VRK2: variants seen among roughly 807,000 people sequenced by gnomAD.
VRK2 encodes the protein serine/threonine-protein kinase VRK2.
VRK2 carries 60 observed loss-of-function variants against 57.6 expected under a neutral mutation model. That is an observed-to-expected ratio of 1.04 (90% CI 0.85 to 1.29). The LOEUF is 1.29. VRK2 is among the 50% of genes most tolerant of loss of function. The pLI is 0.00. For synonymous variants in VRK2, 231 were observed against 199.2 expected (o/e 1.16, Z -1.35); for missense variants, 705 against 588.1 (o/e 1.20, Z -2.06).
At chr2:58,036,831 A>C (rs1374578397) in intron 3 of VRK2, among the ~76,000 whole-genome samples, 1 of 152,066 alleles carries the variant, frequency 6.6e-6, no homozygotes, top group Non-Finnish European at 1.5e-5. Context: ...AATATTTTAT[A>C]ATCTATACTG....
intron 2 of VRK2, among the ~76,000 whole-genome samples, chr2:58,065,355 A>G (rs1051674422): frequency 1.3e-5 from 2 of 152,056 alleles, no homozygotes; most frequent in Non-Finnish European, 2.9e-5. Context: ...TGGGGAATGT[A>G]TGGGATTACT....
chr2:57,972,441 C>G (rs1672124702), intron 1 of VRK2, among the ~76,000 whole-genome samples: 1 of 151,636 alleles, frequency 6.6e-6, no homozygotes, highest in Admixed American at 6.6e-5. Flanking sequence ...ACGATAATAC[C>G]ACTAACAGTA....
chr2:58,086,937 C>T (rs1573019503), intron 5 of VRK2, among the ~76,000 whole-genome samples: 1 of 152,282 alleles, frequency 6.6e-6, no homozygotes, highest in East Asian at 1.9e-4. Flanking sequence ...ATCGCTTCTG[C>T]TTTATTCTCT....
chr2:58,099,255 G>A (rs1289745903), intron 7 of VRK2, among the ~76,000 whole-genome samples: 1 of 152,022 alleles, frequency 6.6e-6, no homozygotes, highest in African/African-American at 2.4e-5. Context: ...TTGTTTATCA[G>A]AGACATATTC....
At chr2:57,928,696 A>T (rs987127027) in intron 1 of VRK2, among the ~76,000 whole-genome samples, 1 of 152,080 alleles carries the variant, frequency 6.6e-6, no homozygotes, top group African/African-American at 2.4e-5. Flanking sequence ...CTTTCTCAGT[A>T]TTCAGTATTC....
rs1196814612 is a variant in VRK2, at chr2:57,911,378, A to T, written c.-439+3539A>T. Among the ~76,000 whole-genome samples the T allele has an allele frequency of 2.0e-5, 3 of 152,286 alleles. No homozygotes were observed. In the East Asian group the frequency reaches 5.8e-4, roughly 29 times the overall value. The stretch of plus-strand genomic sequence containing the variant: ...CACTACACCCTTTTTGGAGAGTCAC[A>T]GTTAACATTGGCATATTGAAAGCCT... On this transcript the variant is annotated intron_variant, in intron 1 of 15. Transcript: ENST00000417641.
chr2:58,082,177 G>A (rs1670980470), intron 2 of VRK2, among the ~76,000 whole-genome samples: 1 of 151,714 alleles, frequency 6.6e-6, no homozygotes, highest in African/African-American at 2.4e-5. Flanking sequence ...ACATGATTAT[G>A]TTCATTCAAA....
At chr2:58,083,462 G>T (rs1472422115) in intron 2 of VRK2, among the ~76,000 whole-genome samples, 2 of 151,738 alleles carry the variant, frequency 1.3e-5, no homozygotes, top group African/African-American at 4.8e-5. Context: ...TGGAAAATAA[G>T]AATTAAATGA....
At chr2:58,085,107 C>A in intron 4 of VRK2, 157 bp downstream of exon 4, 1 of 221,834 alleles carries the variant, frequency 4.5e-6, no homozygotes, top group Non-Finnish European at 7.6e-6. Flanking sequence ...AAAAGCAAGA[C>A]AGATGGTATA....
intron 1 of VRK2, among the ~76,000 whole-genome samples, chr2:57,909,663 A>T (rs919906343): frequency 6.6e-6 from 1 of 152,198 alleles, no homozygotes; most frequent in Admixed American, 6.5e-5. Context: ...TAATCATGAA[A>T]TATATTTTTC....
At chr2:58,041,377 A>T (rs942134204) in intron 3 of VRK2, among the ~76,000 whole-genome samples, 2 of 152,154 alleles carry the variant, frequency 1.3e-5, no homozygotes, top group African/African-American at 2.4e-5. Flanking sequence ...GGACATTCCA[A>T]AGTTAACTGG....
At chr2:57,988,995 C>A (rs1055030318) in intron 1 of VRK2, among the ~76,000 whole-genome samples, 8 of 152,178 alleles carry the variant, frequency 5.3e-5, no homozygotes, top group Non-Finnish European at 1.0e-4. Context: ...ATACCAATTT[C>A]TTCCTATTGC....
intron 1 of VRK2, among the ~76,000 whole-genome samples, chr2:58,002,010 A>G (rs549366142): frequency 6.6e-6 from 1 of 152,304 alleles, no homozygotes; most frequent in South Asian, 2.1e-4. Flanking sequence ...ATTACAAAGA[A>G]TCTAAATAAT....
At position 58,146,418 on chromosome 2, in the gene VRK2, T is replaced by C; in HGVS notation, c.1126T>C (p.Trp376Arg). The change falls in exon 12 of 13, where the codon TGG becomes CGG. Residue 376 changes from tryptophan to arginine, a missense_variant. Trp to Arg is a moderately radical substitution (Grantham distance 101). Transcript: ENST00000340157. ...SERSAESCATWKVQKEEKLIG... is the reference protein window; with the variant it reads ...SERSAESCATRKVQKEEKLIG... ...GAGAAGCGCTGAGTCCTGTGCAACA[T>C]GGAAAGTGCAGAAAGAGGAGAAACT... is the stretch of plus-strand genomic sequence containing the variant. 1 of 1,611,630 alleles carries C rather than the reference T, an allele frequency of 6.2e-7. No homozygotes were observed. The highest frequency in any genetic ancestry group is 8.5e-7 in the Non-Finnish European group (1 of 1,178,360).
chr2:58,127,987 G>A (rs1404766814), intron 8 of VRK2, among the ~76,000 whole-genome samples: 2 of 152,074 alleles, frequency 1.3e-5, no homozygotes, highest in Non-Finnish European at 2.9e-5. Context: ...TTAAACCAAG[G>A]ACTAGTTCGC....
intron 1 of VRK2, among the ~76,000 whole-genome samples, chr2:57,910,108 A>G (rs1669940700): frequency 6.6e-6 from 1 of 151,504 alleles, no homozygotes; most frequent in South Asian, 2.1e-4. Context: ...GAATGAAGAT[A>G]GAGGAAAAAA....
intron 7 of VRK2, among the ~76,000 whole-genome samples, chr2:58,105,508 CCAGT>C (rs764305925): frequency 7.9e-5 from 12 of 151,788 alleles, no homozygotes; most frequent in South Asian, 2.1e-4. Flanking sequence ...TCATCTTATG[CCAGT>C]CAGAGTAGCT....
At chr2:57,909,764 G>C (rs1316359771) in intron 1 of VRK2, among the ~76,000 whole-genome samples, 1 of 152,036 alleles carries the variant, frequency 6.6e-6, no homozygotes, top group African/African-American at 2.4e-5. Context: ...ACTCTTAATA[G>C]ATTTTTAATG....
At chr2:58,062,699 A>G (rs1291600064) in intron 2 of VRK2, among the ~76,000 whole-genome samples, 1 of 152,080 alleles carries the variant, frequency 6.6e-6, no homozygotes, top group Non-Finnish European at 1.5e-5. Flanking sequence ...GGGAAAGCTG[A>G]GAGAGGTGAG....
Sources: allele counts gnomAD v4.1 joint callset (sites outside exome capture counted in the v4.1 genomes callset), GRCh38; gene constraint gnomAD v4.1.1; transcripts MANE v1.5; gene names NCBI Gene and HGNC (gene_info 2026-07-23, HGNC 2026-07-21).